Variants in HS6ST3 observed in about 807,000 individuals in gnomAD.
The protein encoded by HS6ST3 is heparan-sulfate 6-O-sulfotransferase 3.
HS6ST3 carries 12 observed loss-of-function variants against 36.7 expected under a neutral mutation model. The observed-to-expected ratio is 0.33, with a 90% confidence interval of 0.21 to 0.53. The LOEUF (loss-of-function observed/expected upper bound fraction) is 0.53. Ranked by LOEUF, HS6ST3 falls within the 20% of genes least tolerant of loss-of-function variation. The probability of loss-of-function intolerance (pLI) is 0.95; values close to 1 mark genes in which losing one functional copy is unlikely to be tolerated. For synonymous variants in HS6ST3, 240 were observed against 257.5 expected (o/e 0.93, Z 0.65); for missense variants, 584 against 640.9 (o/e 0.91, Z 0.96).
intron 1 of HS6ST3, among the ~76,000 whole-genome samples, chr13:96,622,982 T>C (rs2056500012): frequency 6.6e-6 from 1 of 152,224 alleles, no homozygotes; most frequent in South Asian, 2.1e-4. Flanking sequence ...TCCCTTTTTA[T>C]GTCCTCAATC....
At chr13:96,638,518 T>C (rs1473327382) in intron 1 of HS6ST3, among the ~76,000 whole-genome samples, 1 of 151,954 alleles carries the variant, frequency 6.6e-6, no homozygotes, top group Non-Finnish European at 1.5e-5. Context: ...TGGGAGGGAC[T>C]AGGTGGAGGT....
intron 1 of HS6ST3, among the ~76,000 whole-genome samples, chr13:96,446,158 G>C (rs1316268471): frequency 6.7e-6 from 1 of 148,346 alleles, no homozygotes; most frequent in African/African-American, 2.5e-5. Flanking sequence ...GGGCGACAGA[G>C]CAAGACTCCA....
At chr13:96,287,171 G>A (rs914707763) in intron 1 of HS6ST3, among the ~76,000 whole-genome samples, 22 of 152,056 alleles carry the variant, frequency 1.4e-4, no homozygotes, top group Non-Finnish European at 4.4e-5. Context: ...AAAGTAAATC[G>A]GATGAGCCTC....
chr13:96,211,549 G>GAAA lies in HS6ST3; in HGVS notation c.707+119980_707+119981insAAA, dbSNP rs1468172052. On this transcript the variant is annotated intron_variant, in intron 1 of 1. Coordinates refer to ENST00000376705, the MANE Select transcript of HS6ST3 (RefSeq NM_153456.4). Reference sequence around the variant, plus strand: ...TCCAATTTTCAGAGCACAGAGCTGTGTATTATCTAAATGTCTTTTATAATA... The same window carrying GAAA: ...TCCAATTTTCAGAGCACAGAGCTGTGAAATATTATCTAAATGTCTTTTATAATA... Among the ~76,000 whole-genome samples, 11 of 152,302 alleles carry GAAA rather than the reference G, an allele frequency of 7.2e-5. No homozygotes were observed. The East Asian group carries it at 2.1e-3, about 29-fold the overall frequency.
chr13:96,297,204 T>A (rs1218963969), intron 1 of HS6ST3, among the ~76,000 whole-genome samples: 1 of 152,172 alleles, frequency 6.6e-6, no homozygotes, highest in Non-Finnish European at 1.5e-5. Flanking sequence ...GAAGTATTTC[T>A]AATAAATACA....
chr13:96,624,498 G>A (rs2056505542), intron 1 of HS6ST3, among the ~76,000 whole-genome samples: 1 of 151,912 alleles, frequency 6.6e-6, no homozygotes, highest in Non-Finnish European at 1.5e-5. Flanking sequence ...TTATCACAAG[G>A]GTATATTGTG....
chr13:96,329,034 T>G (rs2055049366), intron 1 of HS6ST3, among the ~76,000 whole-genome samples: 1 of 151,208 alleles, frequency 6.6e-6, no homozygotes, highest in African/African-American at 2.4e-5. Context: ...GATATCCCCT[T>G]TATCATTTTT....
At chr13:96,114,484 AAGT>A (rs1352807147) in intron 1 of HS6ST3, among the ~76,000 whole-genome samples, 1 of 152,230 alleles carries the variant, frequency 6.6e-6, no homozygotes. Context: ...AAGCAGCATG[AAGT>A]AGTGGTTAAG....
chr13:96,645,479 T>C (rs2139009229), intron 1 of HS6ST3, among the ~76,000 whole-genome samples: 1 of 151,236 alleles, frequency 6.6e-6, no homozygotes, highest in African/African-American at 2.4e-5. Flanking sequence ...CTGTTCCATG[T>C]CACTGTTCTA....
chr13:96,765,174 C>T (rs922011818), intron 1 of HS6ST3, among the ~76,000 whole-genome samples: 2 of 151,092 alleles, frequency 1.3e-5, no homozygotes, highest in African/African-American at 2.4e-5. Flanking sequence ...TCTGGGTTCA[C>T]GCCATTCTCC....
chr13:96,830,155 A>G (rs1374645298), intron 1 of HS6ST3, among the ~76,000 whole-genome samples: 1 of 152,106 alleles, frequency 6.6e-6, no homozygotes, highest in African/African-American at 2.4e-5. Flanking sequence ...CCAATTGTTG[A>G]CTAATACAAG....
chr13:96,546,050 T>G (rs2056196508), intron 1 of HS6ST3, among the ~76,000 whole-genome samples: 1 of 152,164 alleles, frequency 6.6e-6, no homozygotes, highest in Non-Finnish European at 1.5e-5. Flanking sequence ...GGAATGGCCT[T>G]ACAGTATGGT....
chr13:96,745,464 C>T (rs1361885906), intron 1 of HS6ST3, among the ~76,000 whole-genome samples: 5 of 151,932 alleles, frequency 3.3e-5, no homozygotes, highest in East Asian at 1.9e-4. Context: ...ATTCCATGTC[C>T]GTTTAAAAGA....
chr13:96,546,710 C>A (rs1450695032), intron 1 of HS6ST3, among the ~76,000 whole-genome samples: 1 of 152,160 alleles, frequency 6.6e-6, no homozygotes, highest in East Asian at 1.9e-4. Flanking sequence ...AATTACTCTT[C>A]TTCCTTTTAA....
chr13:96,092,236 C>T (rs117370969), intron 1 of HS6ST3, among the ~76,000 whole-genome samples: 1 of 152,142 alleles, frequency 6.6e-6, no homozygotes, highest in African/African-American at 2.4e-5. Context: ...TCTTCCTAGG[C>T]CATTACATCA....
In HS6ST3 at chr13:96,835,901, G is replaced by T. The variant is rs1878915690; in HGVS notation, c.*2703G>T. The T allele has an allele frequency of 6.6e-6, 1 of 152,138 alleles. No individual in the cohort carries two copies. Among genetic ancestry groups the T allele is most frequent in the Admixed American group, 6.5e-5 (1 of 15,282 alleles). The allele number at this position is 152,138 out of a possible 1,614,324, so 9.4% of individuals were successfully genotyped here. ...CAGAGGGAGCCAGCTCTTTATGTTG[G>T]CCCCAGGCCAGTACTAAGCAAATTA... On this transcript the variant is annotated 3_prime_UTR_variant, in exon 2 of 2. Coordinates refer to ENST00000376705, the MANE Select transcript of HS6ST3 (RefSeq NM_153456.4).
chr13:96,103,315 C>T (rs2053826426), intron 1 of HS6ST3, among the ~76,000 whole-genome samples: 1 of 152,132 alleles, frequency 6.6e-6, no homozygotes, highest in African/African-American at 2.4e-5. Flanking sequence ...TGTAATCAGG[C>T]AACCAGGATT....
chr13:96,605,522 T>C (rs1335385449), intron 1 of HS6ST3, among the ~76,000 whole-genome samples: 1 of 152,148 alleles, frequency 6.6e-6, no homozygotes, highest in African/African-American at 2.4e-5. Flanking sequence ...TCCCCACACA[T>C]TGTTCATACG....
intron 1 of HS6ST3, among the ~76,000 whole-genome samples, chr13:96,543,041 A>T (rs745991992): frequency 4.6e-5 from 7 of 152,214 alleles, no homozygotes; most frequent in Admixed American, 1.3e-4. Flanking sequence ...GCTCTGAGGA[A>T]AAAACACTTT....
Sources: allele counts gnomAD v4.1 joint callset (sites outside exome capture counted in the v4.1 genomes callset), GRCh38; gene constraint gnomAD v4.1.1; transcripts MANE v1.5; gene names NCBI Gene and HGNC (gene_info 2026-07-23, HGNC 2026-07-21).